Variants in RHOJ observed in about 807,000 individuals in gnomAD.
RHOJ encodes rho-related GTP-binding protein RhoJ.
RHOJ carries 11 observed loss-of-function variants against 23.4 expected under a neutral mutation model. The ratio of observed to expected loss-of-function variants is 0.47; its 90% CI spans 0.30 to 0.78. The LOEUF is 0.78. Ranked by LOEUF, RHOJ falls within the 30% of genes least tolerant of loss-of-function variation. RHOJ has a pLI of 0.08. For missense variants in RHOJ, 254 were observed against 273.4 expected, an observed-to-expected ratio of 0.93 and a Z score of 0.50; for synonymous variants, 102 against 102.7, an observed-to-expected ratio of 0.99 and a Z score of 0.04.
intron 1 of RHOJ, among the ~76,000 whole-genome samples, chr14:63,227,759 CAAT>C: frequency 6.6e-6 from 1 of 152,276 alleles, no homozygotes. Flanking sequence ...CTGGATCTGA[CAAT>C]GATTCTAGCT....
chr14:63,205,213 AC>A lies in RHOJ; in HGVS notation c.178+167del, dbSNP rs761588603. On this transcript the variant is annotated intron_variant, in intron 1 of 4. Transcript: ENST00000316754. ...AACCCAGGACTTGACTGTTGGTAGA[AC>A]AATTTGTGCATCAATGTGTATGGTA... is the stretch of plus-strand genomic sequence containing the variant. Among the ~76,000 whole-genome samples the A allele has an allele frequency of 5.5e-4, 83 of 152,198 alleles. 1 individual carries two copies. The highest frequency in any genetic ancestry group is 3.8e-3 in the Admixed American group (58 of 15,286).
chr14:63,262,812 T>C (rs375829237), intron 1 of RHOJ, among the ~76,000 whole-genome samples: 21 of 152,356 alleles, frequency 1.4e-4, no homozygotes, highest in East Asian at 9.6e-4. Flanking sequence ...ATACTGGGCA[T>C]GGAGACTCTG....
At chr14:63,219,482 T>A (rs192109969) in intron 1 of RHOJ, among the ~76,000 whole-genome samples, 1 of 152,328 alleles carries the variant, frequency 6.6e-6, no homozygotes, top group Admixed American at 6.5e-5. Flanking sequence ...TTCTACTTCT[T>A]TTTTAAAGGC....
rs998773551 is a variant in RHOJ, at chr14:63,265,691, G to A, written c.179-3419G>A. Among the ~76,000 whole-genome samples the A allele has an allele frequency of 7.2e-5, 11 of 152,328 alleles. No homozygotes were observed. The East Asian group carries it at 1.7e-3, about 24-fold the overall frequency. On this transcript the variant is annotated intron_variant, in intron 1 of 4. Transcript: ENST00000316754. ...GTCCTGAGAACATGTCCCCAAGATG[G>A]TTGGTTACAGCTTGATTTTATGCAT...
At chr14:63,228,628 T>TA (rs201370184) in intron 1 of RHOJ, among the ~76,000 whole-genome samples, 79 of 143,358 alleles carry the variant, frequency 5.5e-4, no homozygotes, top group Admixed American at 1.3e-3. Context: ...CATATGTGGT[T>TA]AAAAAAAAAA....
chr14:63,231,631 A>C (rs891493483), intron 1 of RHOJ, among the ~76,000 whole-genome samples: 9 of 152,216 alleles, frequency 5.9e-5, no homozygotes, highest in Admixed American at 4.6e-4. Flanking sequence ...GATTTTAGAC[A>C]AGTCACTTAA....
intron 1 of RHOJ, among the ~76,000 whole-genome samples, chr14:63,226,517 TAGAG>T (rs1377470707): frequency 6.6e-6 from 1 of 150,672 alleles, no homozygotes; most frequent in African/African-American, 2.4e-5. Context: ...TTAAAAGAAT[TAGAG>T]AGAAAATTAT....
intron 1 of RHOJ, 107 bp downstream of exon 1, chr14:63,205,154 C>T (rs1280316935): frequency 2.6e-5 from 31 of 1,214,300 alleles, no homozygotes; most frequent in Admixed American, 7.8e-5. Context: ...TGGGTGCGGG[C>T]CTGGCAGTAA....
At chr14:63,257,905 A>C (rs1895203993) in intron 1 of RHOJ, among the ~76,000 whole-genome samples, 1 of 148,960 alleles carries the variant, frequency 6.7e-6, no homozygotes, top group African/African-American at 2.5e-5. Context: ...CCCTGGCACA[A>C]CCTCACTTTG....
intron 1 of RHOJ, among the ~76,000 whole-genome samples, chr14:63,221,483 G>A (rs1334238316): frequency 6.6e-6 from 1 of 152,184 alleles, no homozygotes; most frequent in Non-Finnish European, 1.5e-5. Context: ...TATTACTGGA[G>A]AATGGTGATA....
chr14:63,207,987 G>T (rs2139724689), intron 1 of RHOJ, among the ~76,000 whole-genome samples: 1 of 152,140 alleles, frequency 6.6e-6, no homozygotes, highest in African/African-American at 2.4e-5. Flanking sequence ...ACTACAAGAA[G>T]GAAAAATGTA....
At chr14:63,281,885 G>A (rs150087858) in intron 3 of RHOJ, among the ~76,000 whole-genome samples, 11 of 152,212 alleles carry the variant, frequency 7.2e-5, no homozygotes, top group African/African-American at 2.6e-4. Context: ...ATACTGAAGG[G>A]CTTCATTGTT....
chr14:63,291,314 C>A lies in RHOJ; in HGVS notation c.*290C>A. ...AAAAACAAAGTCAAAGGCCATCTCA[C>A]ATTTTACAAATCCCCAGCTCATGAA... On this transcript the variant is annotated 3_prime_UTR_variant, in exon 5 of 5. Transcript: ENST00000316754. The A allele has an allele frequency of 2.4e-6, 1 of 412,426 alleles. No homozygotes were observed. Among genetic ancestry groups the A allele is most frequent in the East Asian group, 5.3e-5 (1 of 18,846 alleles). The allele number at this position is 412,426 out of a possible 1,614,324, so 25.5% of individuals were successfully genotyped here.
intron 2 of RHOJ, among the ~76,000 whole-genome samples, chr14:63,271,711 C>T (rs1315527107): frequency 1.3e-5 from 2 of 152,258 alleles, no homozygotes; most frequent in South Asian, 2.1e-4. Context: ...TCTTCTGCCT[C>T]ATCCTCCCAG....
At chr14:63,250,436 G>C (rs1046201936) in intron 1 of RHOJ, among the ~76,000 whole-genome samples, 4 of 151,988 alleles carry the variant, frequency 2.6e-5, no homozygotes, top group African/African-American at 9.7e-5. Context: ...ATAGGGTTTT[G>C]CCATGTTGCC....
At chr14:63,205,535 A>G (rs1034329588) in intron 1 of RHOJ, among the ~76,000 whole-genome samples, 7 of 152,228 alleles carry the variant, frequency 4.6e-5, no homozygotes, top group Admixed American at 2.6e-4. Flanking sequence ...TTCTATAACA[A>G]TTGGTGCTAT....
intron 2 of RHOJ, among the ~76,000 whole-genome samples, chr14:63,271,685 C>G (rs1407315313): frequency 6.6e-6 from 1 of 152,236 alleles, no homozygotes; most frequent in East Asian, 1.9e-4. Context: ...ACCTCCGCTT[C>G]CCGAGTTCAA....
At chr14:63,239,117 T>A (rs1894840925) in intron 1 of RHOJ, among the ~76,000 whole-genome samples, 1 of 152,028 alleles carries the variant, frequency 6.6e-6, no homozygotes, top group Non-Finnish European at 1.5e-5. Flanking sequence ...TGTTTGTTTT[T>A]TATTTATTTA....
At chr14:63,287,302 A>T (rs1472835194) in intron 4 of RHOJ, among the ~76,000 whole-genome samples, 2 of 152,194 alleles carry the variant, frequency 1.3e-5, no homozygotes, top group African/African-American at 4.8e-5. Context: ...GCCATAAGGG[A>T]GGTTACTTAG....
Sources: allele counts gnomAD v4.1 joint callset (sites outside exome capture counted in the v4.1 genomes callset), GRCh38; gene constraint gnomAD v4.1.1; transcripts MANE v1.5; gene names NCBI Gene and HGNC (gene_info 2026-07-23, HGNC 2026-07-21).